Variants in RC3H1 observed in about 807,000 individuals in gnomAD.
The protein encoded by RC3H1 is ring finger and CCCH-type domains 1.
In RC3H1, 50 loss-of-function variants were observed where a neutral mutation model predicts 138.2. The ratio of observed to expected loss-of-function variants is 0.36; its 90% CI spans 0.29 to 0.46. The LOEUF is 0.46. Among genes scored for constraint, RC3H1 ranks in the 20% least tolerant of loss-of-function variants. The pLI, the probability that RC3H1 is intolerant of heterozygous loss-of-function variation, is 1.00. For synonymous variants in RC3H1, 462 were observed against 489.1 expected (o/e 0.94, Z 0.73); for missense variants, 1,031 against 1,388.1 (o/e 0.74, Z 4.09).
At chr1:173,999,958 C>T (rs1661535282) in intron 1 of RC3H1, among the ~76,000 whole-genome samples, 1 of 152,184 alleles carries the variant, frequency 6.6e-6, no homozygotes, top group Non-Finnish European at 1.5e-5. Context: ...TACTTTGAAA[C>T]TCTATAATTT....
chr1:174,016,169 C>A (rs1661859276), intron 1 of RC3H1: 1 of 152,038 alleles, frequency 6.6e-6, no homozygotes, highest in African/African-American at 2.4e-5. Context: ...CCATTGCACT[C>A]CAGCCTGGGT....
intron 1 of RC3H1, among the ~76,000 whole-genome samples, chr1:173,994,254 G>A (rs1416704913): frequency 6.6e-6 from 1 of 151,906 alleles, no homozygotes; most frequent in Admixed American, 6.6e-5. Flanking sequence ...TTAGCCAGGT[G>A]TGGTGGTGCA....
intron 17 of RC3H1, among the ~76,000 whole-genome samples, chr1:173,945,958 C>T (rs1394493146): frequency 3.3e-5 from 5 of 151,680 alleles, no homozygotes; most frequent in Non-Finnish European, 4.4e-5. Flanking sequence ...CCACTTGCCT[C>T]GGCCTCCCAA....
chr1:174,002,762 A>C (rs531985225), intron 1 of RC3H1, among the ~76,000 whole-genome samples: 6 of 152,304 alleles, frequency 3.9e-5, no homozygotes, highest in South Asian at 4.1e-4. Flanking sequence ...TATACAACAT[A>C]CTGTCCAATG....
At chr1:174,015,587 C>A (rs974853721) in intron 1 of RC3H1, among the ~76,000 whole-genome samples, 1 of 151,728 alleles carries the variant, frequency 6.6e-6, no homozygotes, top group South Asian at 2.1e-4. Context: ...GGCTGGTCTT[C>A]GACTCCTGAC....
intron 9 of RC3H1, among the ~76,000 whole-genome samples, chr1:173,969,762 T>A (rs750094271): frequency 4.0e-5 from 6 of 151,854 alleles, no homozygotes; most frequent in East Asian, 3.9e-4. Context: ...GTTTTTCCTT[T>A]CTTTCTTCAA....
chr1:174,010,280 T>G (rs1661726887), intron 1 of RC3H1, among the ~76,000 whole-genome samples: 1 of 152,212 alleles, frequency 6.6e-6, no homozygotes, highest in Admixed American at 6.5e-5. Flanking sequence ...AGGCCCTTAG[T>G]CATTCATTCA....
rs1658701765 is a variant in RC3H1 at position 173,938,748 on chromosome 1, T to C, written c.3375A>G (p.Ser1125=). Residue 1125 remains serine (S), a synonymous_variant, in exon 20 of 20, where the codon TCA becomes TCG. Coordinates refer to ENST00000367696, the MANE Select transcript of RC3H1 (RefSeq NM_172071.4). ...AAGGAGCAGAACTGGGAGTAACTCCTGATCTCTGGGAGTCATTATTATCCC... is the reference window on the plus strand; with the variant it reads ...AAGGAGCAGAACTGGGAGTAACTCCCGATCTCTGGGAGTCATTATTATCCC... ...GGGDNNDSQR[S]GVTPSSAP is the part of the protein sequence containing the mutation. The C allele has an allele frequency of 3.7e-6, 6 of 1,612,306 alleles. No individual in the cohort carries two copies. Among genetic ancestry groups the C allele is most frequent in the South Asian group, 3.3e-5 (3 of 90,852 alleles).
At chr1:174,019,575 G>A (rs533209432) in intron 1 of RC3H1, among the ~76,000 whole-genome samples, 3 of 152,118 alleles carry the variant, frequency 2.0e-5, no homozygotes, top group East Asian at 3.8e-4. Flanking sequence ...TCTGAAAGGC[G>A]TTGTGTACAA....
At chr1:173,965,559 C>G (rs1322906739) in intron 9 of RC3H1, among the ~76,000 whole-genome samples, 1 of 151,714 alleles carries the variant, frequency 6.6e-6, no homozygotes, top group Admixed American at 6.6e-5. Context: ...CCACTGAACT[C>G]CAGCCTGGCG....
Position 173,978,703 on chromosome 1 carries a change from C to T in RC3H1, c.970-83G>A, listed in dbSNP as rs187177679. 273 of 1,393,326 alleles carry T rather than the reference C, an allele frequency of 2.0e-4. 2 individuals carry two copies. Among genetic ancestry groups the T allele is most frequent in the South Asian group, 1.4e-3 (98 of 68,938 alleles). The allele number at this position is 1,393,326 out of a possible 1,614,324, so 86.3% of individuals were successfully genotyped here. A position where few individuals can be genotyped will look rare whatever the true frequency, so the allele number is the denominator to read the frequency against. ...ATTATTTATATCACAATCATTTTTG[C>T]GATTTATTAAATTTAATTTTTATCT... On this transcript the variant is annotated intron_variant, in intron 6 of 19. Transcript: ENST00000367696.
chr1:174,010,154 C>T (rs947185843), intron 1 of RC3H1, among the ~76,000 whole-genome samples: 2 of 151,804 alleles, frequency 1.3e-5, no homozygotes, highest in African/African-American at 4.8e-5. Context: ...AAAAAAAAAT[C>T]TTCCATAAAT....
At chr1:173,961,028 A>G in intron 13 of RC3H1, 49 bp downstream of exon 13, 1 of 1,567,910 alleles carries the variant, frequency 6.4e-7, no homozygotes, top group Non-Finnish European at 8.7e-7. Flanking sequence ...CTTAAACCGG[A>G]CACACACAAA....
In RC3H1 at chr1:173,978,535, C is replaced by T. The variant is rs879054455; in HGVS notation, c.1055G>A (p.Arg352Gln). 11 of 1,614,058 alleles carry T rather than the reference C, an allele frequency of 6.8e-6. No individual in the cohort carries two copies. Among genetic ancestry groups the T allele is most frequent in the Middle Eastern group, 1.6e-4 (1 of 6,062 alleles). ...QRTGDPANLN[R>Q]LRPHLELLAN... ...TAACAGCTCCAAATGGGGTCTTAGT[C>T]GGTTCAAGTTTGCTGGGTCTCCAGT... is the stretch of plus-strand genomic sequence containing the variant. Residue 352 changes from arginine to glutamine, a missense_variant, in exon 7 of 20, where the codon CGA (arginine) becomes CAA (glutamine). Arg to Gln is a conservative substitution (Grantham distance 43). This residue lies in a region of RC3H1 where 142 missense variants were observed against 224.6 expected (regional missense o/e 0.63). Coordinates refer to ENST00000367696, the MANE Select transcript of RC3H1 (RefSeq NM_172071.4).
chr1:173,958,802 T>C (rs1299364725), intron 13 of RC3H1, among the ~76,000 whole-genome samples: 1 of 151,582 alleles, frequency 6.6e-6, no homozygotes, highest in Non-Finnish European at 1.5e-5. Flanking sequence ...TTTTGAGCAA[T>C]CTTATTTGAC....
Position 173,942,705 on chromosome 1 carries a change from G to A in RC3H1, c.3135+737C>T, listed in dbSNP as rs985231819. Among the ~76,000 whole-genome samples, 24 of 151,582 alleles carry A rather than the reference G, an allele frequency of 1.6e-4. 1 individual carries two copies. The highest frequency in any genetic ancestry group is 3.4e-3 in the Middle Eastern group (1 of 292). ...AAATTAGCCAGGCGAGGTGGCAGGC[G>A]CCTAGTCCCAGCTACTTGGGAGGCT... On this transcript the variant is annotated intron_variant, in intron 18 of 19. Coordinates refer to ENST00000367696, the MANE Select transcript of RC3H1 (RefSeq NM_172071.4).
intron 1 of RC3H1, among the ~76,000 whole-genome samples, chr1:174,021,616 G>A (rs547768252): frequency 6.6e-6 from 1 of 152,286 alleles, no homozygotes; most frequent in Admixed American, 6.5e-5. Flanking sequence ...GGCCAAAGAA[G>A]GGGAGCGCTT....
chr1:174,015,357 T>C (rs1400046371), intron 1 of RC3H1, among the ~76,000 whole-genome samples: 1 of 150,922 alleles, frequency 6.6e-6, no homozygotes, highest in African/African-American at 2.5e-5. Flanking sequence ...ATTCAAAAGT[T>C]TTCCACTACA....
intron 6 of RC3H1, among the ~76,000 whole-genome samples, 177 bp from the exon 7 acceptor site, chr1:173,978,797 A>G (rs1433590532): frequency 6.6e-6 from 1 of 152,234 alleles, no homozygotes; most frequent in Non-Finnish European, 1.5e-5. Context: ...ACTTCTCTGC[A>G]TCCAGAGCTT....
Sources: allele counts gnomAD v4.1 joint callset (sites outside exome capture counted in the v4.1 genomes callset), GRCh38; gene constraint gnomAD v4.1.1; regional missense constraint gnomAD v4.1.1; transcripts MANE v1.5; gene names NCBI Gene and HGNC (gene_info 2026-07-23, HGNC 2026-07-21).